Variants in ARFGAP3 observed in about 807,000 individuals in gnomAD.
The protein encoded by ARFGAP3 is ADP-ribosylation factor GTPase-activating protein 3.
ARFGAP3 carries 72 observed loss-of-function variants against 75.0 expected under a neutral mutation model. The observed-to-expected ratio is 0.96, with a 90% CI of 0.79 to 1.17. ARFGAP3 has a LOEUF of 1.17. Among genes scored for constraint, ARFGAP3 ranks in the 50% most tolerant of loss-of-function variants. The probability of loss-of-function intolerance (pLI) is 0.00; values close to 1 mark genes in which losing one functional copy is unlikely to be tolerated. For synonymous variants in ARFGAP3, 221 were observed against 217.9 expected, an observed-to-expected ratio of 1.01 and a Z score of -0.13; for missense variants, 620 against 626.6, an observed-to-expected ratio of 0.99 and a Z score of 0.11.
chr22:42,856,747 G>C (rs970184298), intron 1 of ARFGAP3, among the ~76,000 whole-genome samples: 2 of 151,996 alleles, frequency 1.3e-5, no homozygotes, highest in Admixed American at 6.5e-5. Context: ...GCCAGCAGCC[G>C]GGGTTTCCGA....
chr22:42,803,900 C>CTTTT (rs11289963), intron 14 of ARFGAP3, among the ~76,000 whole-genome samples: 6 of 119,668 alleles, frequency 5.0e-5, no homozygotes, highest in Admixed American at 9.3e-5. Flanking sequence ...CCTCCTTCCT[C>CTTTT]TTTTTTTTTT....
intron 14 of ARFGAP3, among the ~76,000 whole-genome samples, chr22:42,799,457 G>C (rs1042284807): frequency 6.8e-4 from 104 of 152,268 alleles, no homozygotes; most frequent in African/African-American, 2.2e-3. Context: ...TGCTCTCTCT[G>C]GGCCCATTTC....
At chr22:42,830,598 C>A (rs924510814) in intron 6 of ARFGAP3, among the ~76,000 whole-genome samples, 4 of 152,180 alleles carry the variant, frequency 2.6e-5, no homozygotes, top group African/African-American at 7.2e-5. Flanking sequence ...ACATTCTGGC[C>A]TAACAAAGGA....
Position 42,834,261 on chromosome 22 carries a change from G to A in ARFGAP3, c.458C>T (p.Ala153Val), listed in dbSNP as rs1926423885. 5 of 1,613,574 alleles carry A rather than the reference G, an allele frequency of 3.1e-6. No homozygotes were observed. The highest frequency in any genetic ancestry group is 4.2e-6 in the Non-Finnish European group (5 of 1,179,908). The change falls in exon 5 of 16, where the codon GCC becomes GTC. Residue 153 changes from alanine (A) to valine (V), a missense_variant. By Grantham distance (64) the Ala-to-Val change is moderately conservative. Transcript: ENST00000263245. ...SPPPKEEDFF[A>V]SHVSPEVSDT... ...ACATACCTCAGGAGAAACGTGAGAG[G>A]CAAAAAAATCTTCCTCCTTTGGTGG...
chr22:42,814,444 C>T (rs1013973815), intron 11 of ARFGAP3, among the ~76,000 whole-genome samples: 1 of 152,190 alleles, frequency 6.6e-6, no homozygotes, highest in Non-Finnish European at 1.5e-5. Flanking sequence ...ACCAAGGTCT[C>T]TCTGGAAAGA....
chr22:42,816,572 G>T (rs1207559406), intron 11 of ARFGAP3, among the ~76,000 whole-genome samples: 2 of 152,202 alleles, frequency 1.3e-5, no homozygotes, highest in Admixed American at 1.3e-4. Context: ...ACCGTGCACT[G>T]CTCTCCACAG....
intron 14 of ARFGAP3, among the ~76,000 whole-genome samples, chr22:42,804,376 A>ATTTT (rs1169858932): frequency 7.0e-4 from 52 of 74,458 alleles, no homozygotes; most frequent in African/African-American, 1.9e-3. Flanking sequence ...CACCCAGCTA[A>ATTTT]TTTTTTTTTT....
intron 3 of ARFGAP3, among the ~76,000 whole-genome samples, chr22:42,836,801 T>C (rs1926538745): frequency 6.6e-6 from 1 of 152,178 alleles, no homozygotes; most frequent in African/African-American, 2.4e-5. Context: ...ATAGCAACAC[T>C]ATCAGACAGT....
intron 8 of ARFGAP3, among the ~76,000 whole-genome samples, chr22:42,823,266 T>C (rs941184434): frequency 3.3e-5 from 5 of 152,078 alleles, no homozygotes; most frequent in African/African-American, 1.2e-4. Context: ...AGGCCAGGAT[T>C]CAAACCCTGC....
chr22:42,842,596 G>T (rs1926835848), intron 2 of ARFGAP3, among the ~76,000 whole-genome samples: 2 of 151,866 alleles, frequency 1.3e-5, no homozygotes, highest in South Asian at 4.2e-4. Flanking sequence ...TTAGAGGCGT[G>T]CGGAACCACA....
intron 3 of ARFGAP3, among the ~76,000 whole-genome samples, chr22:42,837,184 G>C (rs1222219135): frequency 6.6e-6 from 1 of 152,200 alleles, no homozygotes; most frequent in Non-Finnish European, 1.5e-5. Context: ...GCTTGAGGCT[G>C]GGCACAGTGG....
chr22:42,834,348 G>A lies in ARFGAP3; in HGVS notation c.394-23C>T, dbSNP rs761683180. The A allele has an allele frequency of 6.2e-6, 10 of 1,609,250 alleles. No individual in the cohort carries two copies. In the East Asian group the frequency reaches 1.8e-4, roughly 29 times the overall value. ...CAGCTAGAACAAAAAAACAACACAG[G>A]GCTGAGCATTTCATCCGGCCTGTAA... On this transcript the variant is annotated intron_variant, in intron 4 of 15. Transcript: ENST00000263245.
intron 1 of ARFGAP3, among the ~76,000 whole-genome samples, chr22:42,850,429 C>T (rs1471249997): frequency 6.6e-6 from 1 of 151,680 alleles, no homozygotes; most frequent in African/African-American, 2.4e-5. Context: ...AAAAAATTAG[C>T]CGGCGTGGTG....
At chr22:42,827,884 G>T (rs1261399535) in intron 6 of ARFGAP3, among the ~76,000 whole-genome samples, 1 of 152,090 alleles carries the variant, frequency 6.6e-6, no homozygotes, top group Non-Finnish European at 1.5e-5. Flanking sequence ...AGGAGTTCGA[G>T]ACCTCCCACC....
chr22:42,855,935 G>A (rs1927477350), intron 1 of ARFGAP3, among the ~76,000 whole-genome samples: 1 of 152,092 alleles, frequency 6.6e-6, no homozygotes, highest in Non-Finnish European at 1.5e-5. Flanking sequence ...AGCCTCATCA[G>A]GAGGCTGGGA....
intron 11 of ARFGAP3, among the ~76,000 whole-genome samples, chr22:42,813,843 G>C (rs950496021): frequency 1.3e-5 from 2 of 152,324 alleles, no homozygotes. Flanking sequence ...GAAACACACA[G>C]ACTTTCCTTC....
At chr22:42,835,339 C>T (rs990239268) in intron 4 of ARFGAP3, 23 bp downstream of exon 4, 1 of 1,609,604 alleles carries the variant, frequency 6.2e-7, no homozygotes, top group Admixed American at 1.7e-5. Flanking sequence ...CTAAAGGAAA[C>T]AATCCAGCCT....
intron 8 of ARFGAP3, 129 bp downstream of exon 8, chr22:42,823,527 T>C (rs1029018113): frequency 1.3e-5 from 8 of 620,814 alleles, no homozygotes; most frequent in South Asian, 4.5e-5. Context: ...GAACAAAACA[T>C]AGACTCCTTA....
intron 1 of ARFGAP3, 123 bp downstream of exon 1, chr22:42,856,991 A>C: frequency 2.1e-6 from 2 of 965,126 alleles, no homozygotes; most frequent in Non-Finnish European, 1.3e-6. Flanking sequence ...GCGGCCCCAC[A>C]GTGCGACGTG....
Sources: allele counts gnomAD v4.1 joint callset (sites outside exome capture counted in the v4.1 genomes callset), GRCh38; gene constraint gnomAD v4.1.1; transcripts MANE v1.5; gene names NCBI Gene and HGNC (gene_info 2026-07-23, HGNC 2026-07-21).